VARS1: variants seen among roughly 807,000 people sequenced by gnomAD.
VARS1 encodes the protein valine--tRNA ligase.
A neutral mutation model predicts 161.0 loss-of-function variants in VARS1; 92 were observed. The observed-to-expected ratio is 0.57, with a 90% confidence interval of 0.48 to 0.68. VARS1 has a LOEUF of 0.68. Ranked by LOEUF, VARS1 falls within the 30% of genes least tolerant of loss-of-function variation. The pLI, the probability that VARS1 is intolerant of heterozygous loss-of-function variation, is 0.00. For synonymous variants in VARS1, 595 were observed against 682.5 expected, an observed-to-expected ratio of 0.87 and a Z score of 2.00; for missense variants, 1,338 against 1,695.9, an observed-to-expected ratio of 0.79 and a Z score of 3.71.
chr6:31,779,475 G>C lies in VARS1; in HGVS notation c.3350C>G (p.Ala1117Gly), dbSNP rs1302296066. ...GTAGTCGGCCCGCAGGGAGCGCACG[G>C]CTCGCGTGATGCTTAGCGCCAGCTC... Reference protein sequence around the residue: ...ALELALSITRAVRSLRADYNL... With the variant: ...ALELALSITRGVRSLRADYNL... Residue 1117 changes from alanine to glycine, a missense_variant, in exon 28 of 30, where the codon GCC (alanine) becomes GGC (glycine). By Grantham distance (60) the Ala-to-Gly change is moderately conservative. This residue lies in a region of VARS1 where 433 missense variants were observed against 586.2 expected (regional missense o/e 0.74). Transcript: ENST00000375663. This position sits in a 1 kb window ranked among gnomAD's most constrained non-coding sequence, Gnocchi z 9.1. The C allele has an allele frequency of 1.4e-5, 23 of 1,612,642 alleles. No homozygotes were observed. The highest frequency in any genetic ancestry group is 1.9e-5 in the Non-Finnish European group (23 of 1,180,012).
chr6:31,793,558 A>G (rs1814046040), intron 2 of VARS1, among the ~76,000 whole-genome samples: 1 of 152,072 alleles, frequency 6.6e-6, no homozygotes, highest in Admixed American at 6.6e-5. Flanking sequence ...CCTACTCAAT[A>G]CTTATGTGTT....
intron 6 of VARS1, 120 bp downstream of exon 6, chr6:31,792,097 G>C (rs1338119561): frequency 8.9e-6 from 13 of 1,464,790 alleles, no homozygotes; most frequent in Non-Finnish European, 1.1e-5. Flanking sequence ...GGGGCCTAGA[G>C]GCAGGGCAGG....
chr6:31,777,723 C>G lies in VARS1; in HGVS notation c.3727-61G>C. ...TCCAAGTGAAGAGACCCCCAAACAC[C>G]CAGGACAACAAAGTTGGAAAGATGA... On this transcript the variant is annotated intron_variant, in intron 29 of 29. Coordinates refer to ENST00000375663, the MANE Select transcript of VARS1 (RefSeq NM_006295.3). The surrounding 1 kb of genome is among the most constrained non-coding windows in gnomAD (Gnocchi z 5.8). The G allele has an allele frequency of 6.4e-7, 1 of 1,569,924 alleles. No homozygotes were observed.
In VARS1 at chr6:31,782,509, G is replaced by C; in HGVS notation, c.1991+21C>G. The C allele has an allele frequency of 6.2e-7, 1 of 1,612,906 alleles. No homozygotes were observed. The highest frequency in any genetic ancestry group is 8.5e-7 in the Non-Finnish European group (1 of 1,179,982). ...CTGAGGAGCCCTCCATCTTCCTCCC[G>C]TCCCAGGCCCCCACCCTCACTTGCA... On this transcript the variant is annotated intron_variant, in intron 16 of 29. Transcript: ENST00000375663. This position sits in a 1 kb window ranked among gnomAD's most constrained non-coding sequence, Gnocchi z 8.3.
At position 31,780,111 on chromosome 6, in the gene VARS1, G is replaced by A. The variant is rs199826658; in HGVS notation, c.2968C>T (p.Arg990Cys). The A allele has an allele frequency of 1.3e-5, 21 of 1,614,048 alleles. No individual in the cohort carries two copies. In the East Asian group the frequency reaches 2.5e-4, roughly 19 times the overall value. ...ESLVDRWIRSRLTEAVRLSNQ... is the reference protein window; with the variant it reads ...ESLVDRWIRSCLTEAVRLSNQ... ...CTGAGCCTCACAGCCTCTGTCAGGCGGCTGCGGATCCAGCGGTCCACCAGG... is the reference window on the plus strand; with the variant it reads ...CTGAGCCTCACAGCCTCTGTCAGGCAGCTGCGGATCCAGCGGTCCACCAGG... The change falls in exon 26 of 30, where the codon CGC becomes TGC. Residue 990 changes from arginine (R) to cysteine (C), a missense_variant. Arg to Cys is a radical substitution (Grantham distance 180, BLOSUM62 -3). Transcript: ENST00000375663. The surrounding 1 kb of genome is among the most constrained non-coding windows in gnomAD (Gnocchi z 5.1).
At chr6:31,790,792 C>A (rs573812028) in intron 8 of VARS1, among the ~76,000 whole-genome samples, 1 of 151,786 alleles carries the variant, frequency 6.6e-6, no homozygotes, top group South Asian at 2.1e-4. Flanking sequence ...GTAATATGAA[C>A]CCTTTATGTT....
chr6:31,786,380 AAGAC>A (rs1813507119), intron 8 of VARS1, among the ~76,000 whole-genome samples: 1 of 152,114 alleles, frequency 6.6e-6, no homozygotes, highest in Non-Finnish European at 1.5e-5. Flanking sequence ...AAAAAGAACA[AAGAC>A]AGGCATGCGT....
Position 31,792,634 on chromosome 6 carries a change from C to G in VARS1, c.662-118G>C, listed in dbSNP as rs537931976. 7 of 1,590,726 alleles carry G rather than the reference C, an allele frequency of 4.4e-6. No homozygotes were observed. The South Asian group carries it at 5.6e-5, about 13-fold the overall frequency. ...GGTCTTGCCCATGCTGACCTCCCCC[C>G]TCTCCCTCCTCTCCCGCAGGACCCT... On this transcript the variant is annotated intron_variant, in intron 4 of 29. Transcript: ENST00000375663.
Position 31,781,638 on chromosome 6 carries a change from A to G in VARS1, c.2419-32T>C. The G allele has an allele frequency of 6.2e-7, 1 of 1,612,862 alleles. No homozygotes were observed. The highest frequency in any genetic ancestry group is 8.5e-7 in the Non-Finnish European group (1 of 1,179,956). ...GCAGACCAGGGTGTGAAGGGGAGCC[A>G]ACACCCACCCTCCAGTCCCCTGTCC... On this transcript the variant is annotated intron_variant, in intron 20 of 29. Transcript: ENST00000375663. This position sits in a 1 kb window ranked among gnomAD's most constrained non-coding sequence, Gnocchi z 6.8.
At chr6:31,793,968 G>A (rs1814075008) in intron 2 of VARS1, among the ~76,000 whole-genome samples, 1 of 151,854 alleles carries the variant, frequency 6.6e-6, no homozygotes. Flanking sequence ...GCCGGACAAG[G>A]TGGTGGGCGC....
Position 31,794,297 on chromosome 6 carries a change from C to T in VARS1, c.387+534G>A, listed in dbSNP as rs150700854. 9.3e-4 allele frequency among the ~76,000 whole-genome samples: 141 copies of T among 152,200 alleles called. 1 individual carries two copies. Among genetic ancestry groups the T allele is most frequent in the African/African-American group, 3.2e-3 (131 of 41,512 alleles). ...CATCCATTCAAGAAATACTAATTTT[C>T]CATCATGTGCTCAATACCATGCAAG... On this transcript the variant is annotated intron_variant, in intron 2 of 29. Transcript: ENST00000375663.
rs764768184 is a variant in VARS1, at chr6:31,781,951, T to A, written c.2243A>T (p.Asp748Val). The change falls in exon 19 of 30, where the codon GAC (aspartate) becomes GTC (valine). Residue 748 changes from aspartate to valine, a missense_variant and splice_region_variant. Asp to Val is a radical substitution (Grantham distance 152, BLOSUM62 -3). This residue lies in a region of VARS1 where 902 missense variants were observed against 1,090.3 expected (regional missense o/e 0.83). Transcript: ENST00000375663. This position sits in a 1 kb window ranked among gnomAD's most constrained non-coding sequence, Gnocchi z 6.8. ...VSDPAVPPGE[D>V]PDGRYWVSGR... ...ACTCACCCAGTACCGCCCATCAGGGTCCTGCCACAGGTGCAGTGATTACCC... is the reference window on the plus strand; with the variant it reads ...ACTCACCCAGTACCGCCCATCAGGGACCTGCCACAGGTGCAGTGATTACCC... 6.2e-6 allele frequency: 10 copies of A among 1,612,606 alleles called. No individual in the cohort carries two copies. Among genetic ancestry groups the A allele is most frequent in the Middle Eastern group, 3.3e-4 (2 of 6,082 alleles).
chr6:31,781,623 G>A lies in VARS1; in HGVS notation c.2419-17C>T, dbSNP rs1360123608. ...GTCTTCTGACTGAGGGCAGACCAGG[G>A]TGTGAAGGGGAGCCAACACCCACCC... On this transcript the variant is annotated splice_polypyrimidine_tract_variant and intron_variant, in intron 20 of 29. Coordinates refer to ENST00000375663, the MANE Select transcript of VARS1 (RefSeq NM_006295.3). The surrounding 1 kb of genome is among the most constrained non-coding windows in gnomAD (Gnocchi z 6.8). 2 of 1,612,846 alleles carry A rather than the reference G, an allele frequency of 1.2e-6. No individual in the cohort carries two copies. Among genetic ancestry groups the A allele is most frequent in the Non-Finnish European group, 1.7e-6 (2 of 1,179,986 alleles).
rs952384758 is a variant in VARS1, at chr6:31,777,825, C to T, written c.3727-163G>A. 8 of 703,664 alleles carry T rather than the reference C, an allele frequency of 1.1e-5. No homozygotes were observed. Among genetic ancestry groups the T allele is most frequent in the Non-Finnish European group, 1.9e-5 (8 of 412,626 alleles). The allele number at this position is 703,664 out of a possible 1,614,324, so 43.6% of individuals were successfully genotyped here. A position where few individuals can be genotyped will look rare whatever the true frequency, so the allele number is the denominator to read the frequency against. On this transcript the variant is annotated intron_variant, in intron 29 of 29. Coordinates refer to ENST00000375663, the MANE Select transcript of VARS1 (RefSeq NM_006295.3). This position sits in a 1 kb window ranked among gnomAD's most constrained non-coding sequence, Gnocchi z 5.8. ...CTGGCTCCCCACCCATTCCCACCAG[C>T]ACCCCCACTTCCACCACCACCTCTT... is the stretch of plus-strand genomic sequence containing the variant.
At chr6:31,793,883 A>G (rs1814067018) in intron 2 of VARS1, among the ~76,000 whole-genome samples, 2 of 152,116 alleles carry the variant, frequency 1.3e-5, no homozygotes, top group Admixed American at 1.3e-4. Flanking sequence ...CGAGCAGACC[A>G]TCTGAGGTTA....
chr6:31,791,847 G>A lies in VARS1; in HGVS notation c.972+24C>T. On this transcript the variant is annotated intron_variant, in intron 7 of 29. Transcript: ENST00000375663. The surrounding 1 kb of genome is among the most constrained non-coding windows in gnomAD (Gnocchi z 5.0). ...CCCTTCCCCACCCCACCCACTCTGG[G>A]CCTGGGCAGCAGTGCCTACTCACCC... 2 of 1,611,844 alleles carry A rather than the reference G, an allele frequency of 1.2e-6. No individual in the cohort carries two copies. Among genetic ancestry groups the A allele is most frequent in the Non-Finnish European group, 1.7e-6 (2 of 1,179,400 alleles).
At chr6:31,786,665 C>CAAAAAAAAAAAAAAAAAAAAAAAAAAA in intron 8 of VARS1, among the ~76,000 whole-genome samples, 1 of 31,592 alleles carries the variant, frequency 3.2e-5, no homozygotes, top group Non-Finnish European at 5.6e-5. Flanking sequence ...GACTCTGTCT[C>CAAAAAAAAAAAAAAAAAAAAAAAAAAA]AAAAAAAAAA....
chr6:31,785,306 G>C lies in VARS1; in HGVS notation c.1287C>G (p.His429Gln), dbSNP rs756589398. The C allele has an allele frequency of 8.1e-6, 13 of 1,613,074 alleles. No homozygotes were observed. In the East Asian group the frequency reaches 2.9e-4, roughly 36 times the overall value. ...AGGAGCTGCCAAGCTTCTTCAACTG[G>C]TGGTAAATCCGGTCACCTTTCCTGG... ...WKEEKGDRIYHQLKKLGSSLD... is the reference protein window; with the variant it reads ...WKEEKGDRIYQQLKKLGSSLD... Residue 429 changes from histidine to glutamine, a missense_variant, in exon 10 of 30, where the codon CAC becomes CAG. By Grantham distance (24) the His-to-Gln change is conservative. Coordinates refer to ENST00000375663, the MANE Select transcript of VARS1 (RefSeq NM_006295.3). This position sits in a 1 kb window ranked among gnomAD's most constrained non-coding sequence, Gnocchi z 6.1.
chr6:31,793,827 G>T (rs1219976033), intron 2 of VARS1, among the ~76,000 whole-genome samples: 1 of 152,082 alleles, frequency 6.6e-6, no homozygotes, highest in African/African-American at 2.4e-5. Flanking sequence ...CAGGGGCCAG[G>T]CGTGGTGGCT....
Sources: allele counts gnomAD v4.1 joint callset (sites outside exome capture counted in the v4.1 genomes callset), GRCh38; gene constraint gnomAD v4.1.1; regional missense constraint gnomAD v4.1.1; non-coding constraint Gnocchi (gnomAD v3.1); transcripts MANE v1.5; gene names NCBI Gene and HGNC (gene_info 2026-07-23, HGNC 2026-07-21).